The following KLK4 variants were observed in gnomAD, a reference collection of about 807,000 sequenced individuals.
KLK4 encodes the protein kallikrein related peptidase 4.
Under a neutral mutation model 24.3 loss-of-function variants are expected in KLK4, and 24 were observed. The observed-to-expected ratio is 0.99, with a 90% CI of 0.72 to 1.39. The LOEUF (loss-of-function observed/expected upper bound fraction) is 1.39. Ranked by LOEUF, KLK4 falls within the 40% of genes most tolerant of loss-of-function variation. The pLI is 0.00. For synonymous variants in KLK4, 142 were observed against 138.8 expected (o/e 1.02, Z -0.16); for missense variants, 344 against 327.4 (o/e 1.05, Z -0.39).
chr19:50,909,296 C>T (rs2123515405), exon 3 of KLK4: 2 of 1,614,238 alleles, frequency 1.2e-6, no homozygotes, highest in East Asian at 2.2e-5. Flanking sequence ...GCGGATGCAC[C>T]AGGACGCCCG....
Position 50,908,332 on chromosome 19 carries a change from C to G in KLK4, c.612+27G>C, listed in dbSNP as rs1468146910. On this transcript the variant is annotated intron_variant, in intron 5 of 5. Transcript: ENST00000324041. ...CCCTTCTCCACCCTTCCCTGAGTCGCCTGCCCTCCCCTTTCCCCTCTCTCA... is the reference window on the plus strand; with the variant it reads ...CCCTTCTCCACCCTTCCCTGAGTCGGCTGCCCTCCCCTTTCCCCTCTCTCA... The G allele has an allele frequency of 1.9e-6, 3 of 1,610,492 alleles. No homozygotes were observed. The East Asian group carries it at 6.7e-5, about 36-fold the overall frequency.
exon 6 of KLK4, chr19:50,907,074 C>A: frequency 6.2e-7 from 1 of 1,614,102 alleles, no homozygotes; most frequent in African/African-American, 1.3e-5. Context: ...ATCAGGGGCC[C>A]CCCAGAGTCA....
chr19:50,909,469 G>T, intron 2 of KLK4, 55 bp from the exon 3 acceptor site: 3 of 1,591,220 alleles, frequency 1.9e-6, no homozygotes, highest in Non-Finnish European at 2.6e-6. Context: ...CAGGGTTCCT[G>T]GGGGTGGGCT....
exon 4 of KLK4, chr19:50,908,815 C>G: frequency 6.2e-7 from 1 of 1,612,870 alleles, no homozygotes; most frequent in Non-Finnish European, 8.5e-7. Flanking sequence ...CAGGCCCAGC[C>G]CGATGGTGTA....
intron 5 of KLK4, chr19:50,907,969 G>GTATGC (rs1432488471): frequency 6.0e-6 from 2 of 332,210 alleles, no homozygotes; most frequent in Non-Finnish European, 1.2e-5. Context: ...TGCATAAAAC[G>GTATGC]TATGCATAAA....
intron 5 of KLK4, among the ~76,000 whole-genome samples, 194 bp from the exon 6 acceptor site, chr19:50,907,280 A>G (rs2090441130): frequency 1.3e-5 from 2 of 151,586 alleles, no homozygotes; most frequent in Non-Finnish European, 2.9e-5. Flanking sequence ...CCGATGTCCT[A>G]TGTCCTGAAT....
chr19:50,908,345 T>G lies in KLK4; in HGVS notation c.612+14A>C. On this transcript the variant is annotated intron_variant, in intron 5 of 5. Coordinates refer to ENST00000324041, the Ensembl canonical transcript of KLK4. ...TTCCCTGAGTCGCCTGCCCTCCCCTTTCCCCTCTCTCACGTTGCAGGAGTC... is the reference window on the plus strand; with the variant it reads ...TTCCCTGAGTCGCCTGCCCTCCCCTGTCCCCTCTCTCACGTTGCAGGAGTC... 1 of 1,612,090 alleles carries G rather than the reference T, an allele frequency of 6.2e-7. No homozygotes were observed. The highest frequency in any genetic ancestry group is 8.5e-7 in the Non-Finnish European group (1 of 1,179,968).
Position 50,910,801 on chromosome 19 carries a change from C to T in KLK4, c.-11-52G>A. 1 of 1,414,710 alleles carries T rather than the reference C, an allele frequency of 7.1e-7. No individual in the cohort carries two copies. Among genetic ancestry groups the T allele is most frequent in the South Asian group, 1.2e-5 (1 of 81,310 alleles). The allele number at this position is 1,414,710 out of a possible 1,614,324, so 87.6% of individuals were successfully genotyped here. ...GTGTCTGGGGATCTTCAGCCCAAGT[C>T]TCTCCATCCCTCTCTTTGTCCCTCC... On this transcript the variant is annotated intron_variant, in intron 1 of 5. Transcript: ENST00000324041. The surrounding 1 kb of genome is among the most constrained non-coding windows in gnomAD (Gnocchi z 4.4).
At chr19:50,908,793 C>G in exon 4 of KLK4, 1 of 1,613,586 alleles carries the variant, frequency 6.2e-7, no homozygotes, top group Non-Finnish European at 8.5e-7. Flanking sequence ...CTTGGTCGGC[C>G]TCAAGACTGT....
chr19:50,909,204 C>T (rs770006586), intron 3 of KLK4, 48 bp downstream of exon 3: 3 of 1,613,736 alleles, frequency 1.9e-6, no homozygotes, highest in Non-Finnish European at 2.5e-6. Context: ...ATATTAGGCC[C>T]CGCCCCCGGA....
chr19:50,908,050 C>T (rs1175367293), intron 5 of KLK4: 2 of 465,806 alleles, frequency 4.3e-6, no homozygotes, highest in Non-Finnish European at 7.9e-6. Flanking sequence ...TTTGGGGAGT[C>T]AAAAGTTATA....
At chr19:50,908,229 C>G in intron 5 of KLK4, 130 bp downstream of exon 5, 1 of 1,079,884 alleles carries the variant, frequency 9.3e-7, no homozygotes, top group South Asian at 1.3e-5. Context: ...CTCAGTTTCT[C>G]TCTCTAGTTG....
Position 50,910,521 on chromosome 19 carries a change from A to G in KLK4, c.61+157T>C, listed in dbSNP as rs2090479091. 6.6e-6 allele frequency among the ~76,000 whole-genome samples: 1 copy of G among 152,104 alleles called. No individual in the cohort carries two copies. The highest frequency in any genetic ancestry group is 2.4e-5 in the African/African-American group (1 of 41,416). The stretch of plus-strand genomic sequence containing the variant: ...CCACACACAAATTTACCACGATACA[A>G]GGAGTTGCAGGGGCACAGCCATGGG... On this transcript the variant is annotated intron_variant, in intron 2 of 5. Transcript: ENST00000324041. The surrounding 1 kb of genome is among the most constrained non-coding windows in gnomAD (Gnocchi z 4.4).
intron 5 of KLK4, 125 bp downstream of exon 5, chr19:50,908,234 T>C: frequency 9.0e-7 from 1 of 1,113,126 alleles, no homozygotes; most frequent in Non-Finnish European, 1.4e-6. Context: ...TTTCTCTCTC[T>C]AGTTGTCACT....
exon 6 of KLK4, chr19:50,906,823 G>A (rs1045699229): frequency 1.5e-6 from 2 of 1,343,444 alleles, no homozygotes; most frequent in African/African-American, 2.9e-5. Context: ...AGGAGGGGCT[G>A]GGGGCCTGGA....
In KLK4 at chr19:50,907,271, C is replaced by T. The variant is rs149396228; in HGVS notation, c.613-185G>A. Among the ~76,000 whole-genome samples the T allele has an allele frequency of 3.4e-3, 513 of 152,286 alleles. 3 individuals are homozygous for T. Among genetic ancestry groups the T allele is most frequent in the African/African-American group, 0.012 (486 of 41,550 alleles). On this transcript the variant is annotated intron_variant, in intron 5 of 5. Coordinates refer to ENST00000324041, the Ensembl canonical transcript of KLK4. ...CCTGACTTCATCTAATCCTGCTTCC[C>T]GATGTCCTATGTCCTGAATGCTGGC...
intron 3 of KLK4, 90 bp downstream of exon 3, chr19:50,909,161 CT>C: frequency 6.2e-7 from 1 of 1,606,338 alleles, no homozygotes; most frequent in Non-Finnish European, 8.5e-7. Flanking sequence ...GCCTTCACCG[CT>C]GTTTCCCCCT....
At position 50,910,692 on chromosome 19, in the gene KLK4, A is replaced by T. The variant is rs113372384; in HGVS notation, c.47T>A (p.Ile16Asn). ...TACTCAGATACCTGCGACACCAAGGATGAGGTACCCCAGGAACCAGCCCCA... is the reference window on the plus strand; with the variant it reads ...TACTCAGATACCTGCGACACCAAGGTTGAGGTACCCCAGGAACCAGCCCCA... Residue 16 changes from isoleucine (I) to asparagine (N), a missense_variant, in exon 2 of 6, where the codon ATC becomes AAC. Coordinates refer to ENST00000324041, the Ensembl canonical transcript of KLK4. This position sits in a 1 kb window ranked among gnomAD's most constrained non-coding sequence, Gnocchi z 4.4. 279 of 1,555,736 alleles carry T rather than the reference A, an allele frequency of 1.8e-4. No individual in the cohort carries two copies. The highest frequency in any genetic ancestry group is 2.3e-4 in the Non-Finnish European group (263 of 1,148,866).
chr19:50,908,846 G>A lies in KLK4; in HGVS notation c.225-17C>T, dbSNP rs781163743. 6.2e-7 allele frequency: 1 copy of A among 1,609,454 alleles called. No homozygotes were observed. The highest frequency in any genetic ancestry group is 8.5e-7 in the Non-Finnish European group (1 of 1,179,966). ...GTGTAGGAGCTGTGGGCCACGGAGG[G>A]CAGGTCAGTTTTGTGGCAACTACAT... On this transcript the variant is annotated splice_polypyrimidine_tract_variant and intron_variant, in intron 3 of 5. Transcript: ENST00000324041.
Sources: gnomAD v4.1 joint callset for allele counts (sites outside exome capture counted in the v4.1 genomes callset) on GRCh38, gnomAD v4.1.1 for gene constraint, Gnocchi (gnomAD v3.1) non-coding constraint, MANE v1.5 for transcripts, NCBI Gene and HGNC (gene_info 2026-07-23, HGNC 2026-07-21) for gene names.